The following CHSY3 variants were observed in gnomAD, a reference collection of about 807,000 sequenced individuals.
CHSY3 encodes N-acetylgalactosaminyl-proteoglycan 3-beta-glucuronosyltransferase 3.
In CHSY3, 35 loss-of-function variants were observed where a neutral mutation model predicts 67.2. The observed-to-expected ratio is 0.52, with a 90% CI of 0.40 to 0.69. The LOEUF is 0.69. Ranked by LOEUF, CHSY3 falls within the 30% of genes least tolerant of loss-of-function variation. The pLI is 0.00. For synonymous variants in CHSY3, 474 were observed against 434.7 expected (o/e 1.09, Z -1.12); for missense variants, 1,069 against 1,138.5 (o/e 0.94, Z 0.88).
chr5:130,030,847 G>T (rs1764684101), intron 2 of CHSY3, among the ~76,000 whole-genome samples: 1 of 152,070 alleles, frequency 6.6e-6, no homozygotes, highest in African/African-American at 2.4e-5. Flanking sequence ...TTCCATTGAA[G>T]ATTTGAGGAT....
intron 2 of CHSY3, among the ~76,000 whole-genome samples, chr5:130,039,515 A>G (rs1394188051): frequency 8.7e-6 from 1 of 115,006 alleles, no homozygotes; most frequent in Non-Finnish European, 2.0e-5. Flanking sequence ...AAAACAAAAC[A>G]ACAAAACCAA....
At chr5:129,992,723 A>G (rs1164547903) in intron 2 of CHSY3, among the ~76,000 whole-genome samples, 1 of 152,182 alleles carries the variant, frequency 6.6e-6, no homozygotes, top group Non-Finnish European at 1.5e-5. Flanking sequence ...AGCCATTAGT[A>G]GTGTTGTCAC....
At chr5:130,158,304 G>A (rs1172256770) in intron 2 of CHSY3, among the ~76,000 whole-genome samples, 2 of 152,154 alleles carry the variant, frequency 1.3e-5, no homozygotes, top group Non-Finnish European at 2.9e-5. Flanking sequence ...GTGGTGAGTG[G>A]CAGGAGCATG....
intron 2 of CHSY3, among the ~76,000 whole-genome samples, chr5:130,111,543 A>G (rs192547956): frequency 1.3e-5 from 2 of 152,236 alleles, no homozygotes; most frequent in Admixed American, 1.3e-4. Flanking sequence ...GATCCCAAAT[A>G]TGACCACCAT....
chr5:130,090,230 A>G lies in CHSY3; in HGVS notation c.1087-93999A>G, dbSNP rs546700470. ...AGAGTTACAAGAGAGAGAAGAGGTA[A>G]TGGGGCAGAAAAGGCTTAGGATGGT... is the stretch of plus-strand genomic sequence containing the variant. On this transcript the variant is annotated intron_variant, in intron 2 of 2. Transcript: ENST00000305031. Among the ~76,000 whole-genome samples the G allele has an allele frequency of 2.3e-4, 35 of 152,268 alleles. 1 individual carries two copies. Among genetic ancestry groups the G allele is most frequent in the Non-Finnish European group, 4.1e-4 (28 of 68,012 alleles).
At position 129,907,011 on chromosome 5, in the gene CHSY3, T is replaced by C. The variant is rs140291117; in HGVS notation, c.803-1066T>C. ...AATTGGATATAAAAATAAAGAATGG[T>C]CTCATTACATTTTTAACAGTGGTAT... On this transcript the variant is annotated intron_variant, in intron 1 of 2. Coordinates refer to ENST00000305031, the MANE Select transcript of CHSY3 (RefSeq NM_175856.5). Among the ~76,000 whole-genome samples, 287 of 152,254 alleles carry C rather than the reference T, an allele frequency of 1.9e-3. 1 individual carries two copies. Among genetic ancestry groups the C allele is most frequent in the African/African-American group, 6.6e-3 (275 of 41,540 alleles).
chr5:130,160,901 T>TA (rs1340199008), intron 2 of CHSY3, among the ~76,000 whole-genome samples: 9,214 of 144,156 alleles, frequency 0.064, 840 homozygotes, highest in African/African-American at 0.19. Flanking sequence ...ATTTATTTTT[T>TA]TTTTTTTATT....
At chr5:130,022,150 T>G (rs1336404453) in intron 2 of CHSY3, among the ~76,000 whole-genome samples, 1 of 152,098 alleles carries the variant, frequency 6.6e-6, no homozygotes, top group Non-Finnish European at 1.5e-5. Context: ...TAGAAAATAA[T>G]TTAATTCTAT....
intron 2 of CHSY3, among the ~76,000 whole-genome samples, chr5:130,165,746 A>G (rs895185790): frequency 2.0e-5 from 3 of 151,970 alleles, no homozygotes; most frequent in Non-Finnish European, 4.4e-5. Flanking sequence ...TATTTACTGT[A>G]TTTAGTGTAA....
At chr5:129,941,125 G>A (rs753162063) in intron 2 of CHSY3, among the ~76,000 whole-genome samples, 14 of 152,106 alleles carry the variant, frequency 9.2e-5, no homozygotes, top group South Asian at 2.1e-4. Flanking sequence ...CAGCTATTCC[G>A]GAGGCTGAAG....
intron 2 of CHSY3, among the ~76,000 whole-genome samples, chr5:129,976,469 T>C (rs1762809561): frequency 1.3e-5 from 2 of 152,162 alleles, no homozygotes; most frequent in South Asian, 4.1e-4. Context: ...AGATATTTAC[T>C]GTAACAGAGT....
chr5:130,172,891 T>A (rs1424458842), intron 2 of CHSY3, among the ~76,000 whole-genome samples: 1 of 152,202 alleles, frequency 6.6e-6, no homozygotes, highest in Non-Finnish European at 1.5e-5. Flanking sequence ...CTTAGTATAA[T>A]GTCCTCAAGT....
chr5:129,904,068 A>T (rs895226613), upstream of CHSY3, among the ~76,000 whole-genome samples: 2 of 151,734 alleles, frequency 1.3e-5, no homozygotes, highest in East Asian at 3.9e-4. Context: ...TCCGCCGATG[A>T]GGTCAGCGGA....
chr5:130,002,834 G>A (rs2149640269), intron 2 of CHSY3, among the ~76,000 whole-genome samples: 1 of 151,848 alleles, frequency 6.6e-6, no homozygotes, highest in Middle Eastern at 3.4e-3. Context: ...TTCCCTTTTT[G>A]GGAGGGGCTG....
chr5:129,953,503 G>A (rs535518355), intron 2 of CHSY3, among the ~76,000 whole-genome samples: 6 of 152,136 alleles, frequency 3.9e-5, no homozygotes, highest in African/African-American at 1.4e-4. Flanking sequence ...CCAAAAATGG[G>A]ATTGCTAGGT....
rs1453450494 is a variant in CHSY3 at position 130,028,066 on chromosome 5, GA to G, written c.1086+119708del. Among the ~76,000 whole-genome samples, 4 of 152,230 alleles carry G rather than the reference GA, an allele frequency of 2.6e-5. No individual in the cohort carries two copies. In the East Asian group the frequency reaches 7.7e-4, roughly 29 times the overall value. On this transcript the variant is annotated intron_variant, in intron 2 of 2. Transcript: ENST00000305031. ...CACCACACTGTCTTCCACAATGGTT[GA>G]ACTAGTTTAATGGCCATACTGCCCA...
At chr5:129,973,979 C>A (rs1022761880) in intron 2 of CHSY3, among the ~76,000 whole-genome samples, 1 of 152,082 alleles carries the variant, frequency 6.6e-6, no homozygotes, top group Non-Finnish European at 1.5e-5. Flanking sequence ...AGGTCTGCAA[C>A]GCTCTTGTTC....
intron 2 of CHSY3, among the ~76,000 whole-genome samples, chr5:130,082,528 C>T (rs976885423): frequency 6.6e-5 from 10 of 151,722 alleles, no homozygotes; most frequent in African/African-American, 2.4e-4. Flanking sequence ...ATTAATTTTC[C>T]TCTTATATTA....
chr5:130,089,141 A>G (rs993821025), intron 2 of CHSY3, among the ~76,000 whole-genome samples: 3 of 145,740 alleles, frequency 2.1e-5, no homozygotes, highest in African/African-American at 7.6e-5. Context: ...CAAACACTGC[A>G]TGTTCTCACT....
Sources: allele counts gnomAD v4.1 joint callset (sites outside exome capture counted in the v4.1 genomes callset), GRCh38; gene constraint gnomAD v4.1.1; transcripts MANE v1.5; gene names NCBI Gene and HGNC (gene_info 2026-07-23, HGNC 2026-07-21).